The following FOXO3B variants were observed in gnomAD, a reference collection of about 807,000 sequenced individuals.
FOXO3B encodes the protein forkhead box protein O3B.
Under a neutral mutation model 21.9 loss-of-function variants are expected in FOXO3B, and 15 were observed. That is an observed-to-expected ratio of 0.68 (90% confidence interval 0.46 to 1.05). The LOEUF is 1.05. Among genes scored for constraint, FOXO3B ranks in the 50% least tolerant of loss-of-function variants. The pLI, the probability that FOXO3B is intolerant of heterozygous loss-of-function variation, is 0.00. For missense variants in FOXO3B, 293 were observed against 435.5 expected (o/e 0.67, Z 2.91); for synonymous variants, 135 against 213.6 (o/e 0.63, Z 3.21).
chr17:18,674,586 A>G (rs1453543416), intron 3 of FOXO3B, among the ~76,000 whole-genome samples: 5 of 142,630 alleles, frequency 3.5e-5, no homozygotes, highest in South Asian at 2.5e-4. Context: ...AGATCGCACC[A>G]CTGCACTCCA....
rs994213738 is a variant in FOXO3B, at chr17:18,672,012, C to A, written c.*297G>T. 45 of 1,611,786 alleles carry A rather than the reference C, an allele frequency of 2.8e-5. No homozygotes were observed. Among genetic ancestry groups the A allele is most frequent in the African/African-American group, 1.6e-4 (12 of 74,842 alleles). ...TGGTGCGTGAACGGAAGTCCGTCCACGCATCCAGCTCATCACTGCTGCGTG... is the reference window on the plus strand; with the variant it reads ...TGGTGCGTGAACGGAAGTCCGTCCAAGCATCCAGCTCATCACTGCTGCGTG... On this transcript the variant is annotated 3_prime_UTR_variant, in exon 4 of 4. Transcript: ENST00000395675. This position sits in a 1 kb window ranked among gnomAD's most constrained non-coding sequence, Gnocchi z 4.2.
Position 18,670,492 on chromosome 17 carries a change from T to G in FOXO3B, c.*1817A>C, listed in dbSNP as rs577294930. 6.6e-6 allele frequency among the ~76,000 whole-genome samples: 1 copy of G among 152,222 alleles called. No individual in the cohort carries two copies. The highest frequency in any genetic ancestry group is 2.1e-4 in the South Asian group (1 of 4,826). On this transcript the variant is annotated 3_prime_UTR_variant, in exon 4 of 4. Transcript: ENST00000395675. ...CCGCAAGTTAATGCATGTGAAAAAC[T>G]CAGAAAGTCAAAGGAAAACAAACAC...
In FOXO3B at chr17:18,672,582, C is replaced by G; in HGVS notation, c.600G>C (p.Ala200=). The change falls in exon 4 of 4, where the codon GCG becomes GCC. Residue 200 remains alanine, a synonymous_variant. Coordinates refer to ENST00000395675, the MANE Select transcript of FOXO3B (RefSeq NM_001368135.1). This position sits in a 1 kb window ranked among gnomAD's most constrained non-coding sequence, Gnocchi z 4.2. ...GQDPGSGPAT[A]AGGLSGGTQA... ...GTGTACCCCCGCTCAGCCCGCCCGCCGCGGTGGCTGGCCCAGACCCGGGGT... is the reference window on the plus strand; with the variant it reads ...GTGTACCCCCGCTCAGCCCGCCCGCGGCGGTGGCTGGCCCAGACCCGGGGT... The G allele has an allele frequency of 1.4e-6, 2 of 1,434,844 alleles. No individual in the cohort carries two copies. Among genetic ancestry groups the G allele is most frequent in the Non-Finnish European group, 1.8e-6 (2 of 1,103,736 alleles). 88.9% of individuals were successfully genotyped at this position (1,434,844 alleles called of 1,614,324 possible).
In FOXO3B at chr17:18,680,801, G is replaced by C; in HGVS notation, c.66C>G (p.Phe22Leu). Residue 22 changes from phenylalanine to leucine, a missense_variant, in exon 3 of 4, where the codon TTC becomes TTG. Physicochemically the swap from Phe to Leu is conservative, Grantham distance 22 (BLOSUM62 0). Around this residue, in one of 2 missense-constraint regions of FOXO3B, gnomAD observed 251 missense variants for 404.0 expected, o/e 0.62. Transcript: ENST00000395675. The stretch of plus-strand genomic sequence containing the variant: ...CTCCCTCTTCTGTGCTCTTCTCTTG[G>C]AAATGGGGAGAATCCTGGGAAGACA... ...GVLSSQDSPH[F>L]QEKSTEEGEV... 1 of 1,611,938 alleles carries C rather than the reference G, an allele frequency of 6.2e-7. No homozygotes were observed.
intron 3 of FOXO3B, 106 bp downstream of exon 3, chr17:18,680,635 T>C: frequency 2.1e-6 from 2 of 930,932 alleles, no homozygotes; most frequent in Non-Finnish European, 3.2e-6. Flanking sequence ...AACTCAGCTC[T>C]GCAGATGGGC....
Position 18,673,005 on chromosome 17 carries a change from G to A in FOXO3B, c.177C>T (p.His59=), listed in dbSNP as rs779341924. ...GGGCGGGGTGCAGCGGGGGAGGGAC[G>A]TGGACGCCGCGAAGGCTCCGGCTCC... The part of the protein sequence containing the change: ...APGSRSLRGV[H]VPPPLHPAPA... Residue 59 remains histidine (H), a synonymous_variant, in exon 4 of 4, where the codon CAC becomes CAT. Transcript: ENST00000395675. 4.2e-5 allele frequency: 62 copies of A among 1,466,610 alleles called. 1 individual carries two copies. Among genetic ancestry groups the A allele is most frequent in the South Asian group, 2.2e-4 (17 of 77,396 alleles). 90.8% of individuals were successfully genotyped at this position (1,466,610 alleles called of 1,614,324 possible).
In FOXO3B at chr17:18,671,503, T is replaced by G; in HGVS notation, c.*806A>C. On this transcript the variant is annotated 3_prime_UTR_variant, in exon 4 of 4. Coordinates refer to ENST00000395675, the MANE Select transcript of FOXO3B (RefSeq NM_001368135.1). ...TCGCTGTGGCTAAGTGAGTCCGAAG[T>G]GAGCAGGTCCTGGAGTGTCTGGTTA... The G allele has an allele frequency of 6.3e-6, 10 of 1,594,766 alleles. No individual in the cohort carries two copies. The highest frequency in any genetic ancestry group is 7.7e-6 in the Non-Finnish European group (9 of 1,164,266).
intron 3 of FOXO3B, among the ~76,000 whole-genome samples, chr17:18,678,413 A>G (rs971991842): frequency 6.6e-6 from 1 of 152,022 alleles, no homozygotes; most frequent in African/African-American, 2.4e-5. Context: ...GAAAAAATAT[A>G]CATAGTAGAG....
At chr17:18,676,955 G>T (rs2032497284) in intron 3 of FOXO3B, among the ~76,000 whole-genome samples, 1 of 152,214 alleles carries the variant, frequency 6.6e-6, no homozygotes, top group South Asian at 2.1e-4. Context: ...CACCCACCTT[G>T]GCCTCCCAAA....
chr17:18,677,853 G>A (rs562397300), intron 3 of FOXO3B: 94 of 1,079,772 alleles, frequency 8.7e-5, no homozygotes, highest in Non-Finnish European at 1.2e-4. Flanking sequence ...GCTGGGGTCG[G>A]GGAGGGTACA....
At chr17:18,679,059 T>C (rs1597497520) in intron 3 of FOXO3B, among the ~76,000 whole-genome samples, 1 of 151,338 alleles carries the variant, frequency 6.6e-6, no homozygotes, top group East Asian at 1.9e-4. Context: ...GAGAAAAACT[T>C]GTTTGGCCAT....
At position 18,680,629 on chromosome 17, in the gene FOXO3B, C is replaced by T. The variant is rs997682526; in HGVS notation, c.126+112G>A. Reference sequence around the variant, plus strand: ...TGACTAGTCTCTTAGATTTAGAACTCAGCTCTGCAGATGGGCTTTAGTGGA... The same window carrying T: ...TGACTAGTCTCTTAGATTTAGAACTTAGCTCTGCAGATGGGCTTTAGTGGA... On this transcript the variant is annotated intron_variant, in intron 3 of 3. Coordinates refer to ENST00000395675, the MANE Select transcript of FOXO3B (RefSeq NM_001368135.1). 7.8e-5 allele frequency: 67 copies of T among 860,516 alleles called. 1 individual carries two copies. The highest frequency in any genetic ancestry group is 1.1e-4 in the Non-Finnish European group (59 of 561,280). The allele number at this position is 860,516 out of a possible 1,614,324, so 53.3% of individuals were successfully genotyped here. A position where few individuals can be genotyped will look rare whatever the true frequency, so the allele number is the denominator to read the frequency against.
At chr17:18,678,059 A>C (rs2032526604) in intron 3 of FOXO3B, among the ~76,000 whole-genome samples, 2 of 152,278 alleles carry the variant, frequency 1.3e-5, no homozygotes, top group East Asian at 1.9e-4. Flanking sequence ...TAACTAAATC[A>C]ACATTCAGTG....
At chr17:18,673,996 A>G (rs1240362239) in intron 3 of FOXO3B, among the ~76,000 whole-genome samples, 1 of 150,940 alleles carries the variant, frequency 6.6e-6, no homozygotes, top group East Asian at 1.9e-4. Context: ...TAAAACAATT[A>G]CTGGAAAAGG....
chr17:18,672,608 C>T lies in FOXO3B; in HGVS notation c.574G>A (p.Asp192Asn), dbSNP rs192798378. The change falls in exon 4 of 4, where the codon GAC becomes AAC. Residue 192 changes from aspartate (D) to asparagine (N), a missense_variant. Asp to Asn is a conservative substitution (Grantham distance 23). This residue lies in a region of FOXO3B where 251 missense variants were observed against 404.0 expected (regional missense o/e 0.62). Transcript: ENST00000395675. This position sits in a 1 kb window ranked among gnomAD's most constrained non-coding sequence, Gnocchi z 4.2. Reference sequence around the variant, plus strand: ...GCGGTGGCTGGCCCAGACCCGGGGTCTTGCCCTCCGGGTGCCAGCACCCGG... The same window carrying T: ...GCGGTGGCTGGCCCAGACCCGGGGTTTTGCCCTCCGGGTGCCAGCACCCGG... ...SVRVLAPGGQ[D>N]PGSGPATAAG... 9,456 of 1,438,248 alleles carry T rather than the reference C, an allele frequency of 6.6e-3. 440 individuals are homozygous for T. In the East Asian group the frequency reaches 0.12, roughly 18 times the overall value. 89.1% of individuals were successfully genotyped at this position (1,438,248 alleles called of 1,614,324 possible).
At chr17:18,680,199 T>C (rs997713221) in intron 3 of FOXO3B, among the ~76,000 whole-genome samples, 12 of 152,240 alleles carry the variant, frequency 7.9e-5, no homozygotes, top group African/African-American at 2.7e-4. Flanking sequence ...AATATAAAAG[T>C]AAGTTGCAGG....
rs372744313 is a variant in FOXO3B, at chr17:18,679,661, T to C, written c.126+1080A>G. 6.0e-4 allele frequency among the ~76,000 whole-genome samples: 91 copies of C among 152,116 alleles called. No homozygotes were observed. The East Asian group carries it at 0.015, about 25-fold the overall frequency. On this transcript the variant is annotated intron_variant, in intron 3 of 3. Transcript: ENST00000395675. ...CGAGGTTTCACCATGTTGGTCAGGCTGGTCTTGAACTCCTGACCTCAGGTG... is the reference window on the plus strand; with the variant it reads ...CGAGGTTTCACCATGTTGGTCAGGCCGGTCTTGAACTCCTGACCTCAGGTG...
Position 18,672,587 on chromosome 17 carries a change from T to C in FOXO3B, c.595A>G (p.Thr199Ala). The C allele has an allele frequency of 7.0e-7, 1 of 1,433,404 alleles. No individual in the cohort carries two copies. The highest frequency in any genetic ancestry group is 9.1e-7 in the Non-Finnish European group (1 of 1,103,516). The allele number at this position is 1,433,404 out of a possible 1,614,324, so 88.8% of individuals were successfully genotyped here. Residue 199 changes from threonine (T) to alanine (A), a missense_variant, in exon 4 of 4, where the codon ACC becomes GCC. Physicochemically the swap from Thr to Ala is moderately conservative, Grantham distance 58. Around this residue, in one of 2 missense-constraint regions of FOXO3B, gnomAD observed 251 missense variants for 404.0 expected, o/e 0.62. Coordinates refer to ENST00000395675, the MANE Select transcript of FOXO3B (RefSeq NM_001368135.1). The surrounding 1 kb of genome is among the most constrained non-coding windows in gnomAD (Gnocchi z 4.2). The stretch of plus-strand genomic sequence containing the variant: ...CCCCCGCTCAGCCCGCCCGCCGCGG[T>C]GGCTGGCCCAGACCCGGGGTCTTGC... ...GGQDPGSGPA[T>A]AAGGLSGGTQ... is the part of the protein sequence containing the mutation.
At chr17:18,679,841 A>G (rs895058291) in intron 3 of FOXO3B, among the ~76,000 whole-genome samples, 5 of 144,026 alleles carry the variant, frequency 3.5e-5, no homozygotes, top group African/African-American at 1.4e-4. Flanking sequence ...AAATTCAAAA[A>G]TTCTTTTTTT....
Sources: gnomAD v4.1 joint callset for allele counts (sites outside exome capture counted in the v4.1 genomes callset) on GRCh38, gnomAD v4.1.1 for gene constraint, gnomAD v4.1.1 regional missense constraint, Gnocchi (gnomAD v3.1) non-coding constraint, MANE v1.5 for transcripts, NCBI Gene and HGNC (gene_info 2026-07-23, HGNC 2026-07-21) for gene names.